Variants in CSGALNACT1 observed in about 807,000 individuals in gnomAD.
CSGALNACT1 encodes the protein chondroitin sulfate N-acetylgalactosaminyltransferase 1.
In CSGALNACT1, 52 loss-of-function variants were observed where a neutral mutation model predicts 51.0. The ratio of observed to expected loss-of-function variants is 1.02; its 90% confidence interval spans 0.82 to 1.29. CSGALNACT1 has a LOEUF of 1.29. Among genes scored for constraint, CSGALNACT1 ranks in the 50% most tolerant of loss-of-function variants. CSGALNACT1 has a pLI of 0.00. For synonymous variants in CSGALNACT1, 341 were observed against 254.4 expected (o/e 1.34, Z -3.24); for missense variants, 935 against 679.2 (o/e 1.38, Z -4.19).
chr8:19,621,285 C>A (rs1259782750), intron 1 of CSGALNACT1, among the ~76,000 whole-genome samples: 5 of 152,022 alleles, frequency 3.3e-5, no homozygotes, highest in Admixed American at 2.6e-4. Context: ...GGAAAAAAAA[C>A]CCTGCAAATC....
chr8:19,464,144 C>G (rs1215665750), intron 4 of CSGALNACT1, among the ~76,000 whole-genome samples: 1 of 152,176 alleles, frequency 6.6e-6, no homozygotes, highest in Non-Finnish European at 1.5e-5. Context: ...CACTCATTCT[C>G]AACAGTCCCC....
Position 19,505,194 on chromosome 8 carries a change from T to C in CSGALNACT1, c.634+7A>G. ...TCTCCTTTCCCCCCAATTCACAAAA[T>C]GCTAACCTTCTATGAAATCAGAGGC... is the stretch of plus-strand genomic sequence containing the variant. On this transcript the variant is annotated splice_region_variant and intron_variant, in intron 4 of 9. Transcript: ENST00000454498. 1 of 1,614,050 alleles carries C rather than the reference T, an allele frequency of 6.2e-7. No individual in the cohort carries two copies. Among genetic ancestry groups the C allele is most frequent in the African/African-American group, 1.3e-5 (1 of 74,994 alleles).
intron 1 of CSGALNACT1, among the ~76,000 whole-genome samples, chr8:19,736,790 CACT>C (rs2064005674): frequency 6.6e-6 from 1 of 152,132 alleles, no homozygotes; most frequent in South Asian, 2.1e-4. Context: ...CAGCACATCT[CACT>C]AGAGTTCCAG....
chr8:19,628,007 A>T (rs1433285891), intron 1 of CSGALNACT1, among the ~76,000 whole-genome samples: 2 of 152,222 alleles, frequency 1.3e-5, no homozygotes, highest in African/African-American at 4.8e-5. Flanking sequence ...TATTTTTTTC[A>T]ACTTCTTGCG....
At chr8:19,673,343 GAAC>G (rs1308356829) in intron 1 of CSGALNACT1, among the ~76,000 whole-genome samples, 1 of 152,226 alleles carries the variant, frequency 6.6e-6, no homozygotes, top group African/African-American at 2.4e-5. Context: ...AAGACTCTAG[GAAC>G]AACGATTGTT....
intron 1 of CSGALNACT1, among the ~76,000 whole-genome samples, chr8:19,681,492 G>T (rs2060616960): frequency 1.3e-5 from 2 of 152,200 alleles, no homozygotes; most frequent in African/African-American, 4.8e-5. Context: ...CTAGGGACCT[G>T]GGAGGAGAGA....
intron 5 of CSGALNACT1, among the ~76,000 whole-genome samples, chr8:19,446,197 A>G (rs923023085): frequency 6.6e-6 from 1 of 152,182 alleles, no homozygotes; most frequent in Admixed American, 6.5e-5. Context: ...TAAGTAAGTA[A>G]GTAAAATGCA....
At chr8:19,627,599 G>A (rs1175300571) in intron 1 of CSGALNACT1, among the ~76,000 whole-genome samples, 1 of 152,146 alleles carries the variant, frequency 6.6e-6, no homozygotes, top group East Asian at 1.9e-4. Flanking sequence ...TGAAGCAGAA[G>A]GATCACTTGA....
chr8:19,622,231 C>G (rs1247014807), intron 1 of CSGALNACT1, among the ~76,000 whole-genome samples: 1 of 152,194 alleles, frequency 6.6e-6, no homozygotes, highest in East Asian at 1.9e-4. Flanking sequence ...TTGAACTTGA[C>G]TAAACACGGT....
At chr8:19,572,974 A>G (rs1447776823) in intron 3 of CSGALNACT1, among the ~76,000 whole-genome samples, 1 of 152,238 alleles carries the variant, frequency 6.6e-6, no homozygotes, top group Non-Finnish European at 1.5e-5. Flanking sequence ...CGAGGGATTC[A>G]GAATCAAAAT....
At chr8:19,656,630 T>G (rs1321163715) in intron 1 of CSGALNACT1, among the ~76,000 whole-genome samples, 1 of 112,452 alleles carries the variant, frequency 8.9e-6, no homozygotes, top group East Asian at 2.8e-4. Flanking sequence ...AGCAAAGACT[T>G]CAAACATTAG....
At chr8:19,456,248 C>T (rs1223073622) in intron 5 of CSGALNACT1, among the ~76,000 whole-genome samples, 1 of 152,170 alleles carries the variant, frequency 6.6e-6, no homozygotes, top group Non-Finnish European at 1.5e-5. Context: ...CCTGCTATTT[C>T]AGGCCCAGGA....
chr8:19,479,790 CGT>C (rs1348389877), intron 4 of CSGALNACT1, among the ~76,000 whole-genome samples: 1,229 of 94,312 alleles, frequency 0.013, 33 homozygotes, highest in Non-Finnish European at 0.018. Context: ...GATTCCTCTC[CGT>C]AGATCACACT....
chr8:19,420,518 T>A, exon 7 of CSGALNACT1: 1 of 1,613,838 alleles, frequency 6.2e-7, no homozygotes, highest in Non-Finnish European at 8.5e-7. Flanking sequence ...AGTTGGCAGC[T>A]CTGAAAGGCA....
chr8:19,536,535 C>A (rs1170353435), intron 3 of CSGALNACT1, among the ~76,000 whole-genome samples: 2 of 152,046 alleles, frequency 1.3e-5, no homozygotes, highest in African/African-American at 4.8e-5. Flanking sequence ...TGAATAGATG[C>A]ATGGATTGGA....
upstream of CSGALNACT1, among the ~76,000 whole-genome samples, chr8:19,684,406 T>C (rs1055115147): frequency 7.9e-5 from 12 of 152,252 alleles, no homozygotes; most frequent in Middle Eastern, 3.4e-3. Flanking sequence ...TATGAGACTG[T>C]AGACCTAATA....
chr8:19,678,934 C>T (rs2060392235), intron 1 of CSGALNACT1: 1 of 152,154 alleles, frequency 6.6e-6, no homozygotes, highest in South Asian at 2.1e-4. Context: ...AACGGCCATC[C>T]CATGCTGGGA....
At chr8:19,750,028 C>G (rs1353385420) in intron 1 of CSGALNACT1, among the ~76,000 whole-genome samples, 1 of 152,154 alleles carries the variant, frequency 6.6e-6, no homozygotes, top group African/African-American at 2.4e-5. Context: ...CCTTGGACCC[C>G]TCAAGAAATG....
intron 6 of CSGALNACT1, among the ~76,000 whole-genome samples, chr8:19,428,825 ATGTGTGTGTGTGTGTG>A (rs59241616): frequency 0.019 from 2,680 of 143,428 alleles, 83 homozygotes; most frequent in African/African-American, 0.064. Context: ...AAGACATGAT[ATGTGTGTGTGTGTGTG>A]TGTGTGTGTG....
Sources: gnomAD v4.1 joint callset for allele counts (sites outside exome capture counted in the v4.1 genomes callset) on GRCh38, gnomAD v4.1.1 for gene constraint, MANE v1.5 for transcripts, NCBI Gene and HGNC (gene_info 2026-07-23, HGNC 2026-07-21) for gene names.